Variants in HSD17B12 observed in about 807,000 individuals in gnomAD.
The protein encoded by HSD17B12 is hydroxysteroid 17-beta dehydrogenase 12, also known as very-long-chain 3-oxoacyl-CoA reductase.
In HSD17B12, 32 loss-of-function variants were observed where a neutral mutation model predicts 39.3. That is an observed-to-expected ratio of 0.81 (90% CI 0.61 to 1.09). The LOEUF (loss-of-function observed/expected upper bound fraction) is 1.09. Among genes scored for constraint, HSD17B12 ranks in the 50% least tolerant of loss-of-function variants. The pLI is 0.00. For synonymous variants in HSD17B12, 150 were observed against 146.7 expected, an observed-to-expected ratio of 1.02 and a Z score of -0.16; for missense variants, 342 against 382.9, an observed-to-expected ratio of 0.89 and a Z score of 0.89.
chr11:43,629,139 T>C, the HSD17B12 span, among the ~76,000 whole-genome samples: 1 of 152,178 alleles, frequency 6.6e-6, no homozygotes, highest in Non-Finnish European at 1.5e-5. Flanking sequence ...AGGGTGATTA[T>C]ATCTGAAGAA....
At chr11:43,824,876 A>T (rs1951218339) in intron 6 of HSD17B12, among the ~76,000 whole-genome samples, 2 of 152,102 alleles carry the variant, frequency 1.3e-5, no homozygotes, top group Admixed American at 1.3e-4. Flanking sequence ...CGTGCCTGTA[A>T]TCCCAGCTAC....
At chr11:43,816,272 G>A in intron 5 of HSD17B12, 75 bp from the exon 6 acceptor site, 1 of 1,207,492 alleles carries the variant, frequency 8.3e-7, no homozygotes, top group Non-Finnish European at 1.1e-6. Context: ...TGCTTCTCTA[G>A]ATTACCTAAG....
At chr11:43,672,691 C>A in the HSD17B12 span, among the ~76,000 whole-genome samples, 1 of 152,070 alleles carries the variant, frequency 6.6e-6, no homozygotes, top group African/African-American at 2.4e-5. Context: ...CAGGCGCCTG[C>A]CACCACACCC....
chr11:43,561,262 T>A, the HSD17B12 span, among the ~76,000 whole-genome samples: 1 of 152,346 alleles, frequency 6.6e-6, no homozygotes, highest in East Asian at 1.9e-4. Context: ...TTCTTGTTTG[T>A]CTCACAACTG....
chr11:43,751,035 ATTTTTG>A, intron 2 of HSD17B12, 78 bp downstream of exon 2: 1 of 972,968 alleles, frequency 1.0e-6, no homozygotes, highest in Admixed American at 2.3e-5. Flanking sequence ...AGTAGTTTTG[ATTTTTG>A]AAGTAAAAAA....
At chr11:43,563,751 G>A in the HSD17B12 span, among the ~76,000 whole-genome samples, 4 of 152,126 alleles carry the variant, frequency 2.6e-5, no homozygotes, top group East Asian at 3.9e-4. Flanking sequence ...CTGGGAATTC[G>A]AGCTTGCAGT....
intron 3 of HSD17B12, among the ~76,000 whole-genome samples, chr11:43,792,182 A>T (rs1029715958): frequency 4.6e-5 from 7 of 152,194 alleles, no homozygotes; most frequent in Non-Finnish European, 8.8e-5. Flanking sequence ...TTGTGGGGGA[A>T]AGAAGACAGG....
At chr11:43,745,619 C>CA (rs1261885308) in intron 1 of HSD17B12, among the ~76,000 whole-genome samples, 4 of 152,232 alleles carry the variant, frequency 2.6e-5, no homozygotes, top group African/African-American at 9.6e-5. Flanking sequence ...TCCTAGGCTA[C>CA]AAACCTGTAT....
chr11:43,827,915 G>T (rs1951262185), intron 6 of HSD17B12, among the ~76,000 whole-genome samples: 1 of 151,838 alleles, frequency 6.6e-6, no homozygotes, highest in Non-Finnish European at 1.5e-5. Context: ...ATACTTTTTG[G>T]CTAGCTTGCA....
the HSD17B12 span, among the ~76,000 whole-genome samples, chr11:43,626,108 A>C: frequency 2.6e-5 from 4 of 151,560 alleles, no homozygotes; most frequent in Non-Finnish European, 5.9e-5. Flanking sequence ...TTTTATTTTT[A>C]ATTTTTTTTA....
At chr11:43,826,265 A>G (rs1347415131) in intron 6 of HSD17B12, among the ~76,000 whole-genome samples, 1 of 151,766 alleles carries the variant, frequency 6.6e-6, no homozygotes, top group Non-Finnish European at 1.5e-5. Context: ...TTGTATTTTT[A>G]GTAGAGACGG....
chr11:43,675,592 A>G, the HSD17B12 span, among the ~76,000 whole-genome samples: 1 of 147,508 alleles, frequency 6.8e-6, no homozygotes, highest in African/African-American at 2.5e-5. Flanking sequence ...GTAGAAGAAA[A>G]TGATATCTAA....
intron 7 of HSD17B12, among the ~76,000 whole-genome samples, chr11:43,832,228 T>C (rs1951318243): frequency 6.6e-6 from 1 of 152,082 alleles, no homozygotes; most frequent in African/African-American, 2.4e-5. Flanking sequence ...TGGGGCAAAG[T>C]AGAACCCAGG....
intron 1 of HSD17B12, among the ~76,000 whole-genome samples, chr11:43,727,612 A>G (rs1950232785): frequency 6.6e-6 from 1 of 151,802 alleles, no homozygotes. Context: ...ACACCACCCT[A>G]CCTGGCTTAT....
intron 1 of HSD17B12, among the ~76,000 whole-genome samples, chr11:43,741,898 T>G (rs1950368690): frequency 6.7e-6 from 1 of 149,656 alleles, no homozygotes; most frequent in African/African-American, 2.4e-5. Flanking sequence ...CACGCCTGGC[T>G]AATTTTTTTG....
chr11:43,565,468 C>T, the HSD17B12 span, among the ~76,000 whole-genome samples: 1 of 152,222 alleles, frequency 6.6e-6, no homozygotes, highest in Non-Finnish European at 1.5e-5. Context: ...AGTGAGTCAA[C>T]ACTGACCCTT....
At chr11:43,822,613 G>C (rs1354756480) in intron 6 of HSD17B12, among the ~76,000 whole-genome samples, 3 of 152,138 alleles carry the variant, frequency 2.0e-5, no homozygotes, top group African/African-American at 7.2e-5. Context: ...ATAGTTTGCT[G>C]AGAATGATGG....
At chr11:43,585,617 G>A in the HSD17B12 span, among the ~76,000 whole-genome samples, 36 of 152,250 alleles carry the variant, frequency 2.4e-4, no homozygotes, top group East Asian at 3.9e-3. Flanking sequence ...GACTGGAATC[G>A]TCTATAATTT....
At chr11:43,666,559 G>T in the HSD17B12 span, among the ~76,000 whole-genome samples, 1 of 152,112 alleles carries the variant, frequency 6.6e-6, no homozygotes, top group Non-Finnish European at 1.5e-5. Flanking sequence ...GCCTAGGCTG[G>T]TCTCAAACTA....
Sources: allele counts gnomAD v4.1 joint callset (sites outside exome capture counted in the v4.1 genomes callset), GRCh38; gene constraint gnomAD v4.1.1; transcripts MANE v1.5; gene names NCBI Gene and HGNC (gene_info 2026-07-23, HGNC 2026-07-21).